The following APBB2 variants were observed in gnomAD, a reference collection of about 807,000 sequenced individuals.
APBB2 encodes the protein Fe65-like 1.
APBB2 carries 38 observed loss-of-function variants against 82.5 expected under a neutral mutation model. That is an observed-to-expected ratio of 0.46 (90% CI 0.36 to 0.60). The LOEUF (loss-of-function observed/expected upper bound fraction) is 0.60. Ranked by LOEUF, APBB2 falls within the 20% of genes least tolerant of loss-of-function variation. The pLI is 0.00. For missense variants in APBB2, 772 were observed against 972.3 expected, an observed-to-expected ratio of 0.79 and a Z score of 2.74; for synonymous variants, 341 against 368.2, an observed-to-expected ratio of 0.93 and a Z score of 0.85.
intron 4 of APBB2, among the ~76,000 whole-genome samples, chr4:41,062,662 A>C (rs1210210100): frequency 6.6e-6 from 1 of 152,080 alleles, no homozygotes; most frequent in East Asian, 1.9e-4. Flanking sequence ...ATTTCAGGCA[A>C]TGTGTTATGC....
At chr4:41,072,166 G>A (rs539641640) in intron 3 of APBB2, among the ~76,000 whole-genome samples, 6 of 152,318 alleles carry the variant, frequency 3.9e-5, no homozygotes, top group Admixed American at 1.3e-4. Context: ...AGCTGTGGCC[G>A]ACTAGAGTCA....
At position 41,011,426 on chromosome 4, in the gene APBB2, C is replaced by T. The variant is rs191745092; in HGVS notation, c.835+2157G>A. 1.4e-3 allele frequency among the ~76,000 whole-genome samples: 205 copies of T among 150,906 alleles called. 1 individual carries two copies. Among genetic ancestry groups the T allele is most frequent in the African/African-American group, 4.7e-3 (191 of 41,028 alleles). The stretch of plus-strand genomic sequence containing the variant: ...GAACTCCTGACCTGGTGATCCACTG[C>T]GCCTGGCCTAATTTTTATTTTTTGA... On this transcript the variant is annotated intron_variant, in intron 6 of 17. Coordinates refer to ENST00000508593, the MANE Select transcript of APBB2 (RefSeq NM_004307.2).
intron 3 of APBB2, among the ~76,000 whole-genome samples, chr4:41,097,807 T>C (rs1744059912): frequency 6.6e-6 from 1 of 152,074 alleles, no homozygotes. Context: ...TGAAGACACA[T>C]GCAATTAAGA....
chr4:41,010,484 G>GT (rs1192068871), intron 6 of APBB2, among the ~76,000 whole-genome samples: 2 of 152,288 alleles, frequency 1.3e-5, no homozygotes, highest in East Asian at 1.9e-4. Context: ...CAAATGAGTG[G>GT]TAAGTGTCAC....
chr4:41,036,959 C>A (rs764955798), intron 4 of APBB2, among the ~76,000 whole-genome samples: 3 of 152,170 alleles, frequency 2.0e-5, no homozygotes, highest in African/African-American at 4.8e-5. Flanking sequence ...AAACACTATA[C>A]AAATGATGGC....
At chr4:40,839,517 A>G (rs1755106100) in intron 12 of APBB2, among the ~76,000 whole-genome samples, 2 of 152,130 alleles carry the variant, frequency 1.3e-5, no homozygotes, top group Admixed American at 6.5e-5. Context: ...GGTCAAATAC[A>G]TGGCATGTTT....
intron 13 of APBB2, among the ~76,000 whole-genome samples, chr4:40,829,109 A>G (rs1750960626): frequency 6.6e-6 from 1 of 152,232 alleles, no homozygotes; most frequent in African/African-American, 2.4e-5. Context: ...GCTGGCTAAA[A>G]GAAGCTTGTG....
chr4:41,128,820 T>C (rs1250583941), intron 2 of APBB2, among the ~76,000 whole-genome samples: 2 of 152,206 alleles, frequency 1.3e-5, no homozygotes, highest in Non-Finnish European at 2.9e-5. Flanking sequence ...CCTCCTGGCT[T>C]CCCAAAGACA....
At chr4:40,887,359 T>G (rs542107205) in intron 12 of APBB2, among the ~76,000 whole-genome samples, 5 of 152,312 alleles carry the variant, frequency 3.3e-5, no homozygotes, top group South Asian at 4.1e-4. Context: ...TACACACTTC[T>G]CTTATTCATT....
chr4:41,160,578 C>A (rs1035060282), intron 1 of APBB2, among the ~76,000 whole-genome samples: 1 of 152,156 alleles, frequency 6.6e-6, no homozygotes, highest in Admixed American at 6.5e-5. Flanking sequence ...CCCTCAGCGA[C>A]TCAATCCATC....
At chr4:41,051,977 A>C (rs1345141351) in intron 4 of APBB2, among the ~76,000 whole-genome samples, 1 of 152,174 alleles carries the variant, frequency 6.6e-6, no homozygotes, top group Non-Finnish European at 1.5e-5. Flanking sequence ...AGTGTGTGTA[A>C]AGCACTCAGA....
chr4:41,064,739 TC>T (rs1731092102), intron 4 of APBB2, among the ~76,000 whole-genome samples: 1 of 152,176 alleles, frequency 6.6e-6, no homozygotes, highest in African/African-American at 2.4e-5. Flanking sequence ...TCGAAGGTCA[TC>T]CCTGAGGGAA....
chr4:41,069,442 T>G (rs529353943), intron 3 of APBB2, among the ~76,000 whole-genome samples: 112 of 152,340 alleles, frequency 7.4e-4, no homozygotes, highest in African/African-American at 2.6e-3. Flanking sequence ...GCAGCTTTTA[T>G]GTTCCCCAGA....
At chr4:41,054,678 G>T (rs904189164) in intron 4 of APBB2, among the ~76,000 whole-genome samples, 4 of 151,978 alleles carry the variant, frequency 2.6e-5, no homozygotes, top group Non-Finnish European at 4.4e-5. Context: ...ATATACCTTG[G>T]TTCTTCTCTC....
intron 6 of APBB2, among the ~76,000 whole-genome samples, chr4:41,008,489 C>T (rs765776251): frequency 7.2e-5 from 11 of 152,164 alleles, no homozygotes; most frequent in Non-Finnish European, 1.2e-4. Flanking sequence ...TTGCCATATT[C>T]CAGGCACTGA....
At chr4:40,925,245 G>A (rs915198257) in intron 10 of APBB2, among the ~76,000 whole-genome samples, 6 of 152,140 alleles carry the variant, frequency 3.9e-5, no homozygotes, top group Non-Finnish European at 8.8e-5. Flanking sequence ...GTATAATGGC[G>A]AATGCATAAA....
chr4:40,881,500 C>T (rs1360675675), intron 12 of APBB2: 11 of 346,340 alleles, frequency 3.2e-5, no homozygotes, highest in Non-Finnish European at 4.4e-5. Context: ...TATTCCTTTT[C>T]GCTTTCTTTC....
intron 4 of APBB2, among the ~76,000 whole-genome samples, chr4:41,038,294 TTAAA>T (rs2154445897): frequency 6.6e-6 from 1 of 152,232 alleles, no homozygotes; most frequent in East Asian, 1.9e-4. Flanking sequence ...CTATGTACCT[TTAAA>T]TAATTCTAAA....
At chr4:41,132,442 A>AT (rs1423273403) in intron 2 of APBB2, among the ~76,000 whole-genome samples, 1 of 152,240 alleles carries the variant, frequency 6.6e-6, no homozygotes, top group African/African-American at 2.4e-5. Flanking sequence ...TGCATCAGTC[A>AT]TTACTTCAAG....
Sources: gnomAD v4.1 joint callset for allele counts (sites outside exome capture counted in the v4.1 genomes callset) on GRCh38, gnomAD v4.1.1 for gene constraint, MANE v1.5 for transcripts, NCBI Gene and HGNC (gene_info 2026-07-23, HGNC 2026-07-21) for gene names.